RARB: variants seen among roughly 807,000 people sequenced by gnomAD.
RARB encodes HBV-activated protein.
In RARB, 17 loss-of-function variants were observed where a neutral mutation model predicts 51.9. The ratio of observed to expected loss-of-function variants is 0.33; its 90% CI spans 0.22 to 0.49. The LOEUF (loss-of-function observed/expected upper bound fraction) is 0.49, where lower values mean the gene tolerates loss of function less well. Among genes scored for constraint, RARB ranks in the 20% least tolerant of loss-of-function variants. The pLI is 0.99. For synonymous variants in RARB, 215 were observed against 195.4 expected, an observed-to-expected ratio of 1.10 and a Z score of -0.84; for missense variants, 369 against 550.8, an observed-to-expected ratio of 0.67 and a Z score of 3.30.
chr3:24,842,383 A>T (rs1160085876), intron 1 of RARB, among the ~76,000 whole-genome samples: 1 of 152,174 alleles, frequency 6.6e-6, no homozygotes, highest in Non-Finnish European at 1.5e-5. Flanking sequence ...TGAAAATTAT[A>T]GAGGATTATC....
At chr3:25,019,234 T>C (rs1313495753) in intron 2 of RARB, among the ~76,000 whole-genome samples, 1 of 152,180 alleles carries the variant, frequency 6.6e-6, no homozygotes, top group African/African-American at 2.4e-5. Context: ...TTTTTAAAAA[T>C]GCCCTAAAAA....
At chr3:25,198,629 G>T (rs945008484) in intron 5 of RARB, among the ~76,000 whole-genome samples, 3 of 152,054 alleles carry the variant, frequency 2.0e-5, no homozygotes, top group Non-Finnish European at 4.4e-5. Flanking sequence ...AGGGACAAAA[G>T]ATTTGAATAG....
At chr3:25,489,963 A>T (rs573235421) in intron 2 of RARB, among the ~76,000 whole-genome samples, 1 of 152,384 alleles carries the variant, frequency 6.6e-6, no homozygotes, top group East Asian at 1.9e-4. Context: ...GACAGAATCC[A>T]TTTTGAGAGC....
At chr3:25,550,308 C>T (rs1170379334) in intron 3 of RARB, among the ~76,000 whole-genome samples, 2 of 152,122 alleles carry the variant, frequency 1.3e-5, no homozygotes, top group East Asian at 1.9e-4. Flanking sequence ...TCTGTTTGGG[C>T]TGCTGTAACA....
chr3:25,206,327 A>C (rs529259192), intron 5 of RARB, among the ~76,000 whole-genome samples: 18 of 152,210 alleles, frequency 1.2e-4, no homozygotes, highest in Non-Finnish European at 2.6e-4. Flanking sequence ...TTGTAATTCT[A>C]AAGAGGAAAT....
chr3:24,989,022 C>T (rs1696854872), intron 2 of RARB, among the ~76,000 whole-genome samples: 1 of 151,966 alleles, frequency 6.6e-6, no homozygotes, highest in African/African-American at 2.4e-5. Context: ...GACAGGGTTT[C>T]ACCACGTTGG....
Position 24,976,871 on chromosome 3 carries a change from A to C in RARB, c.-379-83254A>C, listed in dbSNP as rs1049322630. Among the ~76,000 whole-genome samples the C allele has an allele frequency of 5.3e-5, 8 of 152,180 alleles. No individual in the cohort carries two copies. The East Asian group carries it at 1.5e-3, about 29-fold the overall frequency. ...CCTGAATGGTATTGCCTAGGTTTTC[A>C]TCTAGGGTTTTTATGGTTTGAGGTC... On this transcript the variant is annotated intron_variant, in intron 2 of 11. Coordinates refer to the RARB transcript ENST00000383772.
At chr3:25,017,374 T>A (rs1697535455) in intron 2 of RARB, among the ~76,000 whole-genome samples, 1 of 140,196 alleles carries the variant, frequency 7.1e-6, no homozygotes, top group Non-Finnish European at 1.5e-5. Flanking sequence ...CAGTTCATCA[T>A]GTTTAAAAAA....
chr3:25,501,023 A>C (rs1396597238), intron 2 of RARB, among the ~76,000 whole-genome samples, 159 bp from the exon 3 acceptor site: 4 of 152,142 alleles, frequency 2.6e-5, no homozygotes, highest in Non-Finnish European at 5.9e-5. Context: ...GAAACTATTG[A>C]TATCTCACGA....
intron 2 of RARB, among the ~76,000 whole-genome samples, chr3:24,943,427 C>A (rs141484916): frequency 6.6e-6 from 1 of 152,106 alleles, no homozygotes; most frequent in African/African-American, 2.4e-5. Flanking sequence ...TTAGGTCTAA[C>A]GGCATGCTAA....
At chr3:25,076,261 C>T (rs1157138380) in intron 3 of RARB, among the ~76,000 whole-genome samples, 1 of 152,050 alleles carries the variant, frequency 6.6e-6, no homozygotes, top group Non-Finnish European at 1.5e-5. Flanking sequence ...TTGCCTCAAC[C>T]TCCTGAGTAG....
intron 5 of RARB, among the ~76,000 whole-genome samples, chr3:25,276,687 T>C (rs995972544): frequency 1.3e-5 from 2 of 152,176 alleles, no homozygotes; most frequent in African/African-American, 4.8e-5. Flanking sequence ...ACACTTAGCA[T>C]AGGAAAGGCC....
chr3:24,877,382 T>C (rs1703068190), intron 2 of RARB, among the ~76,000 whole-genome samples: 1 of 123,592 alleles, frequency 8.1e-6, no homozygotes, highest in Non-Finnish European at 1.8e-5. Context: ...CACATCAATC[T>C]TCTTGAAACT....
At chr3:25,169,955 G>A (rs1177411461) in intron 4 of RARB, among the ~76,000 whole-genome samples, 1 of 146,676 alleles carries the variant, frequency 6.8e-6, no homozygotes, top group Non-Finnish European at 1.5e-5. Flanking sequence ...GCTGCTGCAC[G>A]CCAGCCTGGG....
At chr3:25,351,004 G>A (rs917882672) in intron 5 of RARB, among the ~76,000 whole-genome samples, 2 of 152,154 alleles carry the variant, frequency 1.3e-5, no homozygotes, top group African/African-American at 2.4e-5. Context: ...TTGTGCTCCC[G>A]TTTCCGAACA....
Position 25,177,218 on chromosome 3 carries a change from T to C in RARB, c.178+2643T>C, listed in dbSNP as rs116933219. Among the ~76,000 whole-genome samples, 350 of 152,328 alleles carry C rather than the reference T, an allele frequency of 2.3e-3. 2 individuals are homozygous for C. The highest frequency in any genetic ancestry group is 0.02 in the East Asian group (106 of 5,190). ...TGTTAGTTGGCCCTCAAAGAAGGAA[T>C]TGTCCTTGTTAAAGCCCGTGTTTTC... On this transcript the variant is annotated intron_variant, in intron 5 of 11. Coordinates refer to the RARB transcript ENST00000383772.
chr3:25,037,220 C>T (rs182291551), intron 2 of RARB, among the ~76,000 whole-genome samples: 2 of 151,556 alleles, frequency 1.3e-5, no homozygotes, highest in East Asian at 3.9e-4. Context: ...TTATGGCATT[C>T]CAGCTAGATT....
At chr3:25,383,798 C>T (rs1381551048) in intron 5 of RARB, among the ~76,000 whole-genome samples, 1 of 151,910 alleles carries the variant, frequency 6.6e-6, no homozygotes, top group African/African-American at 2.4e-5. Flanking sequence ...GGCGTGGTGG[C>T]AGGCACCTGT....
chr3:25,284,928 C>T (rs144838036), intron 5 of RARB, among the ~76,000 whole-genome samples: 46 of 152,292 alleles, frequency 3.0e-4, no homozygotes, highest in African/African-American at 1.1e-3. Context: ...CTGGAAGCAA[C>T]AAGGGATGAC....
Sources: gnomAD v4.1 joint callset for allele counts (sites outside exome capture counted in the v4.1 genomes callset) on GRCh38, gnomAD v4.1.1 for gene constraint, MANE v1.5 for transcripts, NCBI Gene and HGNC (gene_info 2026-07-23, HGNC 2026-07-21) for gene names.